Variants in NEDD9 observed in about 807,000 individuals in gnomAD.
NEDD9 encodes the protein neural precursor cell expressed, developmentally down-regulated 9, also known as enhancer of filamentation 1.
Under a neutral mutation model 76.6 loss-of-function variants are expected in NEDD9, and 26 were observed. The observed-to-expected ratio is 0.34, with a 90% CI of 0.25 to 0.47. NEDD9 has a LOEUF of 0.47. Ranked by LOEUF, NEDD9 falls within the 20% of genes least tolerant of loss-of-function variation. The pLI, the probability that NEDD9 is intolerant of heterozygous loss-of-function variation, is 1.00. For synonymous variants in NEDD9, 392 were observed against 414.2 expected, an observed-to-expected ratio of 0.95 and a Z score of 0.65; for missense variants, 937 against 1,058.5, an observed-to-expected ratio of 0.89 and a Z score of 1.59.
At chr6:11,353,346 CT>C (rs1366064268) in intron 1 of NEDD9, among the ~76,000 whole-genome samples, 1 of 152,280 alleles carries the variant, frequency 6.6e-6, no homozygotes, top group Non-Finnish European at 1.5e-5. Context: ...AATATGACTG[CT>C]GTTTTTGTAA....
chr6:11,287,414 C>T lies in NEDD9; in HGVS notation c.12+18578G>A, dbSNP rs1002776436. On this transcript the variant is annotated intron_variant, in intron 3 of 3. Transcript: ENST00000397378. The stretch of plus-strand genomic sequence containing the variant: ...CTGTATGCCAGTCTGGGTGGCAGAG[C>T]GAGACTCCATCTCAAAACAAAACAA... 2.8e-4 allele frequency among the ~76,000 whole-genome samples: 43 copies of T among 151,926 alleles called. 1 individual carries two copies. The highest frequency in any genetic ancestry group is 9.9e-4 in the African/African-American group (41 of 41,402).
chr6:11,193,318 AAAAAAAG>A, intron 3 of NEDD9, among the ~76,000 whole-genome samples: 1 of 151,514 alleles, frequency 6.6e-6, no homozygotes, highest in East Asian at 1.9e-4. Flanking sequence ...CTTAAAAAAA[AAAAAAAG>A]AAAAAAGAAA....
chr6:11,235,593 A>T (rs1290869274), upstream of NEDD9, among the ~76,000 whole-genome samples: 1 of 152,262 alleles, frequency 6.6e-6, no homozygotes, highest in Non-Finnish European at 1.5e-5. This position sits in a 1 kb window ranked among gnomAD's most constrained non-coding sequence, Gnocchi z 4.1. Context: ...GGAGGAAAAC[A>T]GACCAGGGTG....
chr6:11,354,055 C>G (rs762287776), intron 1 of NEDD9, among the ~76,000 whole-genome samples: 2 of 152,172 alleles, frequency 1.3e-5, no homozygotes, highest in African/African-American at 4.8e-5. Flanking sequence ...ATAACTTTAC[C>G]TCTGGCTTAA....
In NEDD9 at chr6:11,232,201, G is replaced by C. The variant is rs200572680; in HGVS notation, c.12+303C>G. On this transcript the variant is annotated intron_variant, in intron 1 of 6. Coordinates refer to ENST00000379446, the MANE Select transcript of NEDD9 (RefSeq NM_006403.4). Reference sequence around the variant, plus strand: ...CCAATGCCTGCCGCGATTCAAGTCAGACACCCTCTGATCTCCAGTGGCTGC... The same window carrying C: ...CCAATGCCTGCCGCGATTCAAGTCACACACCCTCTGATCTCCAGTGGCTGC... Among the ~76,000 whole-genome samples, 3 of 152,314 alleles carry C rather than the reference G, an allele frequency of 2.0e-5. No individual in the cohort carries two copies. The East Asian group carries it at 5.8e-4, about 29-fold the overall frequency.
chr6:11,332,869 AC>A (rs1182544783), intron 2 of NEDD9, among the ~76,000 whole-genome samples: 3 of 152,204 alleles, frequency 2.0e-5, no homozygotes, highest in African/African-American at 7.2e-5. Context: ...CAACAAAGCC[AC>A]ACTCCATGTT....
intron 3 of NEDD9, among the ~76,000 whole-genome samples, chr6:11,290,228 G>A (rs897647724): frequency 6.6e-6 from 1 of 152,172 alleles, no homozygotes; most frequent in African/African-American, 2.4e-5. Context: ...ACTATGAGCA[G>A]GACAACCTTT....
upstream of NEDD9, among the ~76,000 whole-genome samples, chr6:11,236,419 A>G (rs775847311): frequency 5.3e-5 from 8 of 152,254 alleles, no homozygotes; most frequent in South Asian, 4.1e-4. The surrounding 1 kb of genome is among the most constrained non-coding windows in gnomAD (Gnocchi z 5.5). Context: ...GCATAAATAC[A>G]GCAAAAAATC....
intron 1 of NEDD9, among the ~76,000 whole-genome samples, chr6:11,222,287 ACT>A (rs1228199810): frequency 6.6e-6 from 1 of 152,118 alleles, no homozygotes; most frequent in African/African-American, 2.4e-5. Flanking sequence ...CCTCCCTGGA[ACT>A]CTTTTAGATG....
chr6:11,375,304 T>C (rs930715978), intron 1 of NEDD9, among the ~76,000 whole-genome samples: 1 of 152,258 alleles, frequency 6.6e-6, no homozygotes, highest in Non-Finnish European at 1.5e-5. Context: ...TGTATGATTA[T>C]ATTTACTTAC....
chr6:11,185,494 C>T lies in NEDD9; in HGVS notation c.2173G>A (p.Ala725Thr). 6.2e-7 allele frequency: 1 copy of T among 1,614,104 alleles called. No individual in the cohort carries two copies. The highest frequency in any genetic ancestry group is 8.5e-7 in the Non-Finnish European group (1 of 1,180,012). Residue 725 changes from alanine to threonine, a missense_variant, in exon 7 of 7, where the codon GCC becomes ACC. Physicochemically the swap from Ala to Thr is moderately conservative, Grantham distance 58. Coordinates refer to ENST00000379446, the MANE Select transcript of NEDD9 (RefSeq NM_006403.4). Reference protein sequence around the residue: ...CETHFISLLNAIDALFSCVSS... With the variant: ...CETHFISLLNTIDALFSCVSS... ...ACACAACTGAAGAGTGCGTCAATGG[C>T]GTTGAGAAGGGAAATGAAATGGGTC...
chr6:11,359,260 G>C (rs1461069107), intron 1 of NEDD9, among the ~76,000 whole-genome samples: 1 of 152,218 alleles, frequency 6.6e-6, no homozygotes, highest in African/African-American at 2.4e-5. Context: ...GAAACTCTTG[G>C]AGAAACAAGC....
Position 11,183,331 on chromosome 6 carries a change from A to T in NEDD9, c.*1831T>A, listed in dbSNP as rs1757897018. On this transcript the variant is annotated 3_prime_UTR_variant, in exon 7 of 7. Transcript: ENST00000379446. ...CAGAGATCTAAAAATTTAATGATTT[A>T]AAAATAGCCTCTACATACAAGACGG... is the stretch of plus-strand genomic sequence containing the variant. 6.6e-6 allele frequency: 1 copy of T among 152,230 alleles called. No homozygotes were observed. Among genetic ancestry groups the T allele is most frequent in the African/African-American group, 2.4e-5 (1 of 41,466 alleles). The allele number at this position is 152,230 out of a possible 1,614,324, so 9.4% of individuals were successfully genotyped here.
intron 3 of NEDD9, chr6:11,305,892 CA>C: frequency 2.8e-6 from 4 of 1,426,080 alleles, no homozygotes; most frequent in Admixed American, 1.7e-5. Flanking sequence ...GCCCGTATGA[CA>C]AAAAAACATG....
chr6:11,374,524 G>A (rs759524203), intron 1 of NEDD9, among the ~76,000 whole-genome samples: 1 of 152,168 alleles, frequency 6.6e-6, no homozygotes, highest in Non-Finnish European at 1.5e-5. Flanking sequence ...TGAAGCTGTG[G>A]GTGGGGAATT....
At chr6:11,360,622 A>G (rs1762663493) in intron 1 of NEDD9, among the ~76,000 whole-genome samples, 4 of 152,142 alleles carry the variant, frequency 2.6e-5, no homozygotes, top group African/African-American at 9.7e-5. Context: ...GTCATGGAAG[A>G]TGAGCTTTCT....
At position 11,190,541 on chromosome 6, in the gene NEDD9, C is replaced by T. The variant is rs779372741; in HGVS notation, c.1328G>A (p.Arg443Lys). 4 of 1,614,218 alleles carry T rather than the reference C, an allele frequency of 2.5e-6. No homozygotes were observed. Among genetic ancestry groups the T allele is most frequent in the Non-Finnish European group, 3.4e-6 (4 of 1,180,048 alleles). The change falls in exon 5 of 7, where the codon AGA becomes AAA. Residue 443 changes from arginine (R) to lysine (K), a missense_variant. Arg to Lys is a conservative substitution (Grantham distance 26). Coordinates refer to ENST00000379446, the MANE Select transcript of NEDD9 (RefSeq NM_006403.4). This position sits in a 1 kb window ranked among gnomAD's most constrained non-coding sequence, Gnocchi z 5.8. ...TDWRCYGYME[R>K]HINEIRTAVD... is the part of the protein sequence containing the mutation. ...TGCTGTGCGTATTTCATTGATGTGT[C>T]TTTCCATATATCCGTAACACCGCCA...
chr6:11,225,927 C>T (rs1161830104), intron 1 of NEDD9, among the ~76,000 whole-genome samples: 1 of 151,770 alleles, frequency 6.6e-6, no homozygotes, highest in Middle Eastern at 3.2e-3. Flanking sequence ...CCACTCCCTA[C>T]GTCAACCATG....
At chr6:11,297,205 T>C (rs751909447) in intron 3 of NEDD9, among the ~76,000 whole-genome samples, 9 of 150,798 alleles carry the variant, frequency 6.0e-5, no homozygotes, top group Non-Finnish European at 1.0e-4. Flanking sequence ...AGTGGAGCAA[T>C]GGTAAATGTT....
Sources: gnomAD v4.1 joint callset for allele counts (sites outside exome capture counted in the v4.1 genomes callset) on GRCh38, gnomAD v4.1.1 for gene constraint, Gnocchi (gnomAD v3.1) non-coding constraint, MANE v1.5 for transcripts, NCBI Gene and HGNC (gene_info 2026-07-23, HGNC 2026-07-21) for gene names.